Variants in AUTS2 observed in about 807,000 individuals in gnomAD.
AUTS2 encodes the protein activator of transcription and developmental regulator AUTS2.
AUTS2 carries 17 observed loss-of-function variants against 112.4 expected under a neutral mutation model. The ratio of observed to expected loss-of-function variants is 0.15; its 90% CI spans 0.10 to 0.23. AUTS2 has a LOEUF of 0.23. Among genes scored for constraint, AUTS2 ranks in the 10% least tolerant of loss-of-function variants. The pLI is 1.00. For synonymous variants in AUTS2, 751 were observed against 702.7 expected, an observed-to-expected ratio of 1.07 and a Z score of -1.09; for missense variants, 1,510 against 1,701.6, an observed-to-expected ratio of 0.89 and a Z score of 1.98.
rs144545739 is a variant in AUTS2 at position 69,666,190 on chromosome 7, A to G, written c.309+66228A>G. Among the ~76,000 whole-genome samples, 194 of 152,354 alleles carry G rather than the reference A, an allele frequency of 1.3e-3. 1 individual carries two copies. The highest frequency in any genetic ancestry group is 4.4e-3 in the African/African-American group (183 of 41,584). ...TACACATATACGTACACACAGTCAT[A>G]CACATATAAAAAGCTTCTCTAAGAA... On this transcript the variant is annotated intron_variant, in intron 1 of 18. Transcript: ENST00000342771.
intron 2 of AUTS2, among the ~76,000 whole-genome samples, chr7:69,914,316 CA>C (rs1031621358): frequency 2.7e-5 from 4 of 146,154 alleles, no homozygotes; most frequent in Non-Finnish European, 4.5e-5. Flanking sequence ...TAATTGGCTA[CA>C]AAAAAAAGCA....
chr7:70,094,502 T>A (rs1007530873), intron 2 of AUTS2, among the ~76,000 whole-genome samples: 1 of 152,254 alleles, frequency 6.6e-6, no homozygotes, highest in Non-Finnish European at 1.5e-5. Context: ...TGTGTCTGTT[T>A]TCTTCTCCCT....
chr7:70,256,683 G>A (rs988141097), intron 4 of AUTS2, among the ~76,000 whole-genome samples: 1 of 152,144 alleles, frequency 6.6e-6, no homozygotes, highest in South Asian at 2.1e-4. Flanking sequence ...CATTTTTAGG[G>A]ACAACTTGCC....
At chr7:70,784,754 A>T in intron 15 of AUTS2, 188 bp from the exon 16 acceptor site, 1 of 300,922 alleles carries the variant, frequency 3.3e-6, no homozygotes, top group Non-Finnish European at 6.3e-6. Context: ...AAAAAAAAAA[A>T]AAAAAAAAAA....
intron 4 of AUTS2, among the ~76,000 whole-genome samples, chr7:70,416,534 G>A (rs1265034266): frequency 2.6e-5 from 4 of 152,196 alleles, no homozygotes; most frequent in African/African-American, 9.6e-5. Context: ...GGCATTGCCT[G>A]CTTGAAAAGA....
At chr7:70,670,205 A>G (rs1807564118) in intron 5 of AUTS2, among the ~76,000 whole-genome samples, 1 of 152,166 alleles carries the variant, frequency 6.6e-6, no homozygotes, top group Non-Finnish European at 1.5e-5. Context: ...GTTTTATGGT[A>G]TTTTTAATTG....
At chr7:69,713,460 GT>G (rs764107255) in intron 1 of AUTS2, among the ~76,000 whole-genome samples, 228 of 135,732 alleles carry the variant, frequency 1.7e-3, no homozygotes, top group Middle Eastern at 7.4e-3. Context: ...GCTTTCAAGA[GT>G]TTTTTTTTTT....
At chr7:70,417,345 C>T (rs1351534718) in intron 4 of AUTS2, among the ~76,000 whole-genome samples, 1 of 152,202 alleles carries the variant, frequency 6.6e-6, no homozygotes, top group East Asian at 1.9e-4. Flanking sequence ...TCTTAGAAGG[C>T]CCTTGATGGC....
chr7:70,392,096 T>C (rs1360189739), intron 4 of AUTS2, among the ~76,000 whole-genome samples: 1 of 152,228 alleles, frequency 6.6e-6, no homozygotes, highest in East Asian at 1.9e-4. Flanking sequence ...ACTCATAGTA[T>C]GCTATGCTAA....
chr7:70,231,836 C>T (rs1398209169), intron 4 of AUTS2, among the ~76,000 whole-genome samples: 12 of 151,840 alleles, frequency 7.9e-5, no homozygotes, highest in Non-Finnish European at 1.3e-4. Context: ...TGCAGTGGCG[C>T]GATCTTGGCT....
intron 6 of AUTS2, among the ~76,000 whole-genome samples, chr7:70,740,910 A>G (rs1307098095): frequency 1.3e-5 from 2 of 151,984 alleles, no homozygotes; most frequent in East Asian, 1.9e-4. Flanking sequence ...CCTGGGCAAC[A>G]TGGTAAAACC....
chr7:70,515,835 A>T (rs2129493790), intron 5 of AUTS2, among the ~76,000 whole-genome samples: 1 of 152,304 alleles, frequency 6.6e-6, no homozygotes, highest in Middle Eastern at 3.4e-3. Context: ...CTGTTAAGAG[A>T]CCAGTTTCTG....
chr7:69,965,801 G>T (rs1797613775), intron 2 of AUTS2, among the ~76,000 whole-genome samples: 2 of 152,004 alleles, frequency 1.3e-5, no homozygotes, highest in Admixed American at 1.3e-4. Flanking sequence ...TTACTAACTG[G>T]AATTAGAATC....
rs140027999 is a variant in AUTS2 at position 69,681,542 on chromosome 7, A to G, written c.309+81580A>G. On this transcript the variant is annotated intron_variant, in intron 1 of 18. Transcript: ENST00000342771. ...AGGTCATACTGCTGGACCAGGGCCT[A>G]TAGGTTGGCACTGACTTACGCATAG... 7.1e-3 allele frequency among the ~76,000 whole-genome samples: 1,076 copies of G among 152,288 alleles called. 16 individuals carry two copies. Among genetic ancestry groups the G allele is most frequent in the African/African-American group, 0.024 (1,007 of 41,560 alleles).
At chr7:70,540,033 CT>C (rs1353320201) in intron 5 of AUTS2, among the ~76,000 whole-genome samples, 1 of 152,016 alleles carries the variant, frequency 6.6e-6, no homozygotes, top group Non-Finnish European at 1.5e-5. Flanking sequence ...TTCTTTCTCC[CT>C]TTTTTTTCCT....
chr7:70,106,233 G>T (rs1255203445), intron 2 of AUTS2, among the ~76,000 whole-genome samples: 1 of 152,188 alleles, frequency 6.6e-6, no homozygotes, highest in East Asian at 1.9e-4. Flanking sequence ...AGGTTCCTCA[G>T]AGGCCAGGCT....
At chr7:69,795,052 A>G (rs1789780538) in intron 1 of AUTS2, among the ~76,000 whole-genome samples, 1 of 152,176 alleles carries the variant, frequency 6.6e-6, no homozygotes, top group African/African-American at 2.4e-5. Context: ...TCATCTTTAA[A>G]TTGAAGATAG....
intron 5 of AUTS2, among the ~76,000 whole-genome samples, chr7:70,535,222 A>T (rs927007654): frequency 2.6e-5 from 4 of 152,096 alleles, no homozygotes; most frequent in African/African-American, 9.7e-5. Flanking sequence ...GGCAGAATTA[A>T]GTGAATTAAT....
intron 5 of AUTS2, among the ~76,000 whole-genome samples, chr7:70,577,229 T>C (rs1802208096): frequency 6.6e-6 from 1 of 152,196 alleles, no homozygotes; most frequent in Non-Finnish European, 1.5e-5. Context: ...CCCCATGAAC[T>C]GTGCAACTGC....
Sources: gnomAD v4.1 joint callset for allele counts (sites outside exome capture counted in the v4.1 genomes callset) on GRCh38, gnomAD v4.1.1 for gene constraint, MANE v1.5 for transcripts, NCBI Gene and HGNC (gene_info 2026-07-23, HGNC 2026-07-21) for gene names.